MARK3: variants seen among roughly 807,000 people sequenced by gnomAD.
MARK3 encodes MAP/microtubule affinity-regulating kinase 3.
MARK3 carries 46 observed loss-of-function variants against 90.1 expected under a neutral mutation model. That is an observed-to-expected ratio of 0.51 (90% confidence interval 0.40 to 0.65). The LOEUF is 0.65. MARK3 is among the 30% of genes least tolerant of loss of function. The probability of loss-of-function intolerance (pLI) is 0.00; values close to 1 mark genes in which losing one functional copy is unlikely to be tolerated. For synonymous variants in MARK3, 321 were observed against 332.6 expected (o/e 0.97, Z 0.38); for missense variants, 818 against 947.2 (o/e 0.86, Z 1.79).
chr14:103,454,139 G>GCTGAA (rs2093220378), intron 5 of MARK3, among the ~76,000 whole-genome samples: 2 of 152,326 alleles, frequency 1.3e-5, no homozygotes, highest in African/African-American at 4.8e-5. Context: ...CATGTGCTGA[G>GCTGAA]CTGAGCTTCA....
At chr14:103,463,147 CTTT>C (rs34014267) in intron 7 of MARK3, among the ~76,000 whole-genome samples, 42,498 of 149,278 alleles carry the variant, frequency 0.28, 7,159 homozygotes, top group Non-Finnish European at 0.36. Flanking sequence ...GTCTATATAC[CTTT>C]TTTTTTTTTT....
chr14:103,396,438 AT>A (rs935670212), intron 1 of MARK3, among the ~76,000 whole-genome samples: 1 of 151,342 alleles, frequency 6.6e-6, no homozygotes. Context: ...TATGCCTTAT[AT>A]TTTTTTCCTT....
In MARK3 at chr14:103,404,303, T is replaced by TGAGAA. The variant is rs567794660; in HGVS notation, c.52-771_52-767dup. Among the ~76,000 whole-genome samples the TGAGAA allele has an allele frequency of 4.3e-3, 661 of 152,190 alleles. 1 individual carries two copies. The highest frequency in any genetic ancestry group is 6.1e-3 in the Non-Finnish European group (412 of 67,992). ...AAAGTGGCTGTGAGTGCATGTGGAA[T>TGAGAA]GAGAAGCCTCCCTTGGGCAGGAGTT... On this transcript the variant is annotated intron_variant, in intron 1 of 17. Transcript: ENST00000429436.
intron 3 of MARK3, among the ~76,000 whole-genome samples, chr14:103,441,139 A>G (rs2092842058): frequency 6.6e-6 from 1 of 152,096 alleles, no homozygotes; most frequent in Admixed American, 6.6e-5. Flanking sequence ...ACTATTATAT[A>G]TGTGGCACAC....
Position 103,491,875 on chromosome 14 carries a change from G to A in MARK3, c.1685G>A (p.Arg562His), listed in dbSNP as rs2094022159. The change falls in exon 15 of 18, where the codon CGT becomes CAT. Residue 562 changes from arginine to histidine, a missense_variant. Transcript: ENST00000429436. ...CGCTTCCCAAGAGGCACTGCCAGTC[G>A]TAGCACTTTCCACGGCCAGCCCCGG... ...RIRFPRGTAS[R>H]STFHGQPRER... 7 of 1,614,146 alleles carry A rather than the reference G, an allele frequency of 4.3e-6. No individual in the cohort carries two copies. The highest frequency in any genetic ancestry group is 2.5e-6 in the Non-Finnish European group (3 of 1,180,028).
At chr14:103,457,082 A>T (rs1397908850) in intron 5 of MARK3, 60 bp from the exon 6 acceptor site, 8 of 1,014,946 alleles carry the variant, frequency 7.9e-6, no homozygotes, top group Non-Finnish European at 1.1e-5. Flanking sequence ...ACATCAATTT[A>T]TGGGAAAATT....
At chr14:103,411,433 C>T (rs1214076020) in intron 2 of MARK3, among the ~76,000 whole-genome samples, 2 of 152,052 alleles carry the variant, frequency 1.3e-5, no homozygotes, top group Non-Finnish European at 2.9e-5. Flanking sequence ...TTACAATTGT[C>T]CCAGAACCAT....
chr14:103,456,809 C>T (rs1039818595), intron 5 of MARK3, among the ~76,000 whole-genome samples: 2 of 152,176 alleles, frequency 1.3e-5, no homozygotes, highest in African/African-American at 4.8e-5. Context: ...GTGAGGATGT[C>T]CTCTTCTAAC....
rs944785919 is a variant in MARK3 at position 103,490,764 on chromosome 14, A to G, written c.1587-1013A>G. 5.1e-4 allele frequency: 6 copies of G among 11,654 alleles called. No individual in the cohort carries two copies. In the East Asian group the frequency reaches 7.3e-3, roughly 14 times the overall value. 0.7% of individuals were successfully genotyped at this position (11,654 alleles called of 1,614,324 possible). On this transcript the variant is annotated intron_variant, in intron 14 of 17. Coordinates refer to ENST00000429436, the MANE Select transcript of MARK3 (RefSeq NM_001128918.3). ...TAGATTTTTATGATTACTGTTTGGAAAAAAAAAAAAGCAACTATAGGTTAG... is the reference window on the plus strand; with the variant it reads ...TAGATTTTTATGATTACTGTTTGGAGAAAAAAAAAAGCAACTATAGGTTAG...
intron 15 of MARK3, among the ~76,000 whole-genome samples, chr14:103,495,216 A>G (rs2075274222): frequency 1.3e-5 from 2 of 152,220 alleles, no homozygotes; most frequent in Non-Finnish European, 2.9e-5. Context: ...TACGCCTGTA[A>G]TCCCAGCACT....
rs71126026 is a variant in MARK3, at chr14:103,452,471, C to CTTTTTTTTTTTTTTTTTTTTTTTTTT, written c.412+506_412+507insTTTTTTTTTTTTTTTTTTTTTTTTTT. ...ACAAGTGGAATTTTACAGGATTTGT[C>CTTTTTTTTTTTTTTTTTTTTTTTTTT]TTTTTTTTTTTTTTTTTTGAGACGG... On this transcript the variant is annotated intron_variant, in intron 5 of 17. Coordinates refer to ENST00000429436, the MANE Select transcript of MARK3 (RefSeq NM_001128918.3). Among the ~76,000 whole-genome samples, 33 of 97,474 alleles carry CTTTTTTTTTTTTTTTTTTTTTTTTTT rather than the reference C, an allele frequency of 3.4e-4. 6 individuals are homozygous for CTTTTTTTTTTTTTTTTTTTTTTTTTT. The highest frequency in any genetic ancestry group is 5.4e-4 in the Non-Finnish European group (24 of 44,456). The allele number at this position is 97,474 out of a possible 152,430, so 63.9% of individuals were successfully genotyped here.
chr14:103,404,393 G>A (rs2091151392), intron 1 of MARK3, among the ~76,000 whole-genome samples: 1 of 152,236 alleles, frequency 6.6e-6, no homozygotes, highest in African/African-American at 2.4e-5. Flanking sequence ...GGCCAAGGGA[G>A]CAGTAGTAGC....
At chr14:103,448,191 C>A (rs1435492106) in intron 3 of MARK3, among the ~76,000 whole-genome samples, 6 of 152,132 alleles carry the variant, frequency 3.9e-5, no homozygotes, top group Non-Finnish European at 8.8e-5. Flanking sequence ...ACCCTTCATC[C>A]CCAAAGAGGC....
At chr14:103,501,388 G>C (rs549706491) in intron 17 of MARK3, among the ~76,000 whole-genome samples, 1 of 152,330 alleles carries the variant, frequency 6.6e-6, no homozygotes, top group African/African-American at 2.4e-5. Context: ...GTAAGTTGGG[G>C]CCTGACCACC....
intron 15 of MARK3, among the ~76,000 whole-genome samples, chr14:103,493,774 C>T (rs951620519): frequency 3.4e-5 from 5 of 149,140 alleles, no homozygotes; most frequent in African/African-American, 1.2e-4. Context: ...ACCCAGGAGG[C>T]TGAGACAGGA....
At position 103,502,958 on chromosome 14, in the gene MARK3, A is replaced by G; in HGVS notation, c.1993A>G (p.Lys665Glu). The G allele has an allele frequency of 6.2e-7, 1 of 1,614,276 alleles. No homozygotes were observed. The highest frequency in any genetic ancestry group is 8.5e-7 in the Non-Finnish European group (1 of 1,180,050). ...ATCCCTACGCTTCACCTGGAGCATG[A>G]AAACCACTAGTTCAATGGATCCCGG... The part of the protein sequence containing the change: ...PRSLRFTWSM[K>E]TTSSMDPGDM... Residue 665 changes from lysine to glutamate, a missense_variant, in exon 18 of 18, where the codon AAA becomes GAA. This residue lies in a region of MARK3 where 560 missense variants were observed against 613.5 expected (regional missense o/e 0.91). Transcript: ENST00000429436.
chr14:103,426,453 T>C (rs1299611440), intron 2 of MARK3, among the ~76,000 whole-genome samples: 4 of 152,088 alleles, frequency 2.6e-5, no homozygotes, highest in African/African-American at 7.2e-5. Context: ...TATAGATGCT[T>C]TCTTCAGGGG....
chr14:103,480,059 T>G (rs1223223760), intron 13 of MARK3, among the ~76,000 whole-genome samples: 2 of 151,834 alleles, frequency 1.3e-5, no homozygotes, highest in East Asian at 3.9e-4. Flanking sequence ...AGGGGGAGGT[T>G]GCAGTGAGCC....
rs1308544392 is a variant in MARK3 at position 103,428,400 on chromosome 14, T to C, written c.257T>C (p.Ile86Thr). The C allele has an allele frequency of 6.8e-7, 1 of 1,478,930 alleles. No homozygotes were observed. The highest frequency in any genetic ancestry group is 2.1e-5 in the Admixed American group (1 of 47,754). 91.6% of individuals were successfully genotyped at this position (1,478,930 alleles called of 1,614,324 possible). A position where few individuals can be genotyped will look rare whatever the true frequency, so the allele number is the denominator to read the frequency against. ...TATTCTTTCTAGGTTGCAATAAAAA[T>C]AATTGACAAAACTCAGTTGAATCCA... ...ILTGREVAIKIIDKTQLNPTS... is the reference protein window; with the variant it reads ...ILTGREVAIKTIDKTQLNPTS... Residue 86 changes from isoleucine (I) to threonine (T), a missense_variant, in exon 3 of 18, where the codon ATA becomes ACA. Transcript: ENST00000429436.
Sources: gnomAD v4.1 joint callset for allele counts (sites outside exome capture counted in the v4.1 genomes callset) on GRCh38, gnomAD v4.1.1 for gene constraint, gnomAD v4.1.1 regional missense constraint, MANE v1.5 for transcripts, NCBI Gene and HGNC (gene_info 2026-07-23, HGNC 2026-07-21) for gene names.